ERBB4: variants seen among roughly 807,000 people sequenced by gnomAD.
The protein encoded by ERBB4 is erb-b2 receptor tyrosine kinase 4.
A neutral mutation model predicts 158.0 loss-of-function variants in ERBB4; 42 were observed. That is an observed-to-expected ratio of 0.27 (90% CI 0.21 to 0.34). The LOEUF is 0.34. ERBB4 is among the 10% of genes least tolerant of loss of function. The pLI is 1.00. For synonymous variants in ERBB4, 583 were observed against 558.7 expected, an observed-to-expected ratio of 1.04 and a Z score of -0.61; for missense variants, 1,333 against 1,624.1, an observed-to-expected ratio of 0.82 and a Z score of 3.08.
At chr2:211,622,464 C>T (rs943366423) in intron 18 of ERBB4, among the ~76,000 whole-genome samples, 2 of 151,898 alleles carry the variant, frequency 1.3e-5, no homozygotes, top group Non-Finnish European at 2.9e-5. Flanking sequence ...CCTTAGAATA[C>T]AAGTTTTATT....
intron 2 of ERBB4, among the ~76,000 whole-genome samples, chr2:212,044,562 A>G (rs2077213695): frequency 6.6e-6 from 1 of 152,114 alleles, no homozygotes; most frequent in Non-Finnish European, 1.5e-5. Flanking sequence ...CTCCTCTTAT[A>G]TTACAATAAA....
intron 3 of ERBB4, among the ~76,000 whole-genome samples, chr2:211,887,990 A>G (rs549477059): frequency 6.6e-6 from 1 of 152,324 alleles, no homozygotes; most frequent in Admixed American, 6.5e-5. Context: ...TAACATTTTC[A>G]TAGACCATTA....
At chr2:211,582,211 G>C (rs1271485396) in intron 19 of ERBB4, among the ~76,000 whole-genome samples, 1 of 152,156 alleles carries the variant, frequency 6.6e-6, no homozygotes, top group African/African-American at 2.4e-5. Flanking sequence ...CATGTAAAAA[G>C]ACAGCTTTTT....
At chr2:212,333,230 A>G (rs1209476743) in intron 1 of ERBB4, among the ~76,000 whole-genome samples, 1 of 151,760 alleles carries the variant, frequency 6.6e-6, no homozygotes, top group Non-Finnish European at 1.5e-5. Context: ...AAGAACCCTC[A>G]CTCTAGTTGC....
intron 18 of ERBB4, among the ~76,000 whole-genome samples, chr2:211,619,574 G>A (rs1574867828): frequency 6.6e-6 from 1 of 152,076 alleles, no homozygotes; most frequent in Admixed American, 6.6e-5. Context: ...ATGGAAATAG[G>A]ATAGCAAAAG....
intron 2 of ERBB4, among the ~76,000 whole-genome samples, chr2:212,065,412 G>A (rs1340802626): frequency 6.6e-6 from 1 of 151,940 alleles, no homozygotes; most frequent in Non-Finnish European, 1.5e-5. Flanking sequence ...ATGAAGATGA[G>A]TTTATTTCCC....
chr2:211,980,529 T>C (rs2081760429), intron 2 of ERBB4, among the ~76,000 whole-genome samples: 1 of 152,140 alleles, frequency 6.6e-6, no homozygotes, highest in Non-Finnish European at 1.5e-5. Flanking sequence ...TGTTTGTTTG[T>C]TTTAAATAAT....
At chr2:212,442,541 C>T (rs951736683) in intron 1 of ERBB4, among the ~76,000 whole-genome samples, 2 of 152,174 alleles carry the variant, frequency 1.3e-5, no homozygotes, top group Admixed American at 6.5e-5. Flanking sequence ...CCCAAAAGAT[C>T]ACTGTGGTCC....
chr2:211,699,609 T>C (rs550827430), intron 12 of ERBB4, among the ~76,000 whole-genome samples: 1 of 152,244 alleles, frequency 6.6e-6, no homozygotes, highest in South Asian at 2.1e-4. Flanking sequence ...AAAAATGATA[T>C]GCTTGATACT....
intron 1 of ERBB4, among the ~76,000 whole-genome samples, chr2:212,222,797 G>A (rs1467707529): frequency 6.6e-6 from 1 of 151,398 alleles, no homozygotes; most frequent in Non-Finnish European, 1.5e-5. Context: ...GTTGTTACGT[G>A]TTTAATGTCT....
chr2:211,650,612 C>T (rs1218084060), intron 16 of ERBB4, among the ~76,000 whole-genome samples: 1 of 152,064 alleles, frequency 6.6e-6, no homozygotes, highest in Non-Finnish European at 1.5e-5. Flanking sequence ...CTCTACTATT[C>T]TTATTTTGTG....
At chr2:211,696,354 G>T (rs2073021997) in intron 12 of ERBB4, among the ~76,000 whole-genome samples, 2 of 152,102 alleles carry the variant, frequency 1.3e-5, no homozygotes, top group African/African-American at 2.4e-5. Flanking sequence ...CAGGTGATCT[G>T]CCCACCTCGG....
chr2:211,910,335 T>C (rs576811922), intron 3 of ERBB4, among the ~76,000 whole-genome samples: 2 of 151,042 alleles, frequency 1.3e-5, no homozygotes, highest in East Asian at 2.0e-4. Context: ...CATAATAATA[T>C]TGTCTAATTT....
chr2:212,408,337 C>A (rs578069280), intron 1 of ERBB4, among the ~76,000 whole-genome samples: 2 of 152,062 alleles, frequency 1.3e-5, no homozygotes, highest in African/African-American at 4.8e-5. Context: ...CGAGAACATG[C>A]GGTGTTTGGT....
chr2:211,725,393 T>C (rs1037098626), intron 5 of ERBB4, among the ~76,000 whole-genome samples, 199 bp from the exon 6 acceptor site: 2 of 152,216 alleles, frequency 1.3e-5, no homozygotes, highest in Admixed American at 1.3e-4. Flanking sequence ...TTTATATTCT[T>C]TCTTGTTTCA....
intron 3 of ERBB4, among the ~76,000 whole-genome samples, chr2:211,826,778 C>T (rs1174741180): frequency 6.6e-6 from 1 of 152,026 alleles, no homozygotes; most frequent in Non-Finnish European, 1.5e-5. Flanking sequence ...TCTAACACCA[C>T]ATACAAGACA....
At chr2:211,705,259 T>C (rs1401272393) in intron 10 of ERBB4, 59 bp downstream of exon 10, 9 of 1,222,788 alleles carry the variant, frequency 7.4e-6, no homozygotes, top group Admixed American at 6.7e-5. Flanking sequence ...GTCAATCTTG[T>C]GTAATTTTTA....
intron 3 of ERBB4, among the ~76,000 whole-genome samples, chr2:211,806,875 T>C (rs191040870): frequency 7.3e-4 from 111 of 152,258 alleles, no homozygotes; most frequent in African/African-American, 2.6e-3. Context: ...ATAATGCATA[T>C]TGATTTTCAA....
rs138596858 is a variant in ERBB4, at chr2:211,756,647, A to T, written c.557-5943T>A. Among the ~76,000 whole-genome samples, 546 of 152,322 alleles carry T rather than the reference A, an allele frequency of 3.6e-3. 5 individuals are homozygous for T. Among genetic ancestry groups the T allele is most frequent in the Middle Eastern group, 0.014 (4 of 294 alleles). ...CAAAAGTTAGTTTTGACACTTTAGT[A>T]GCTTGTGCAAGATGCTGATTTTATA... On this transcript the variant is annotated intron_variant, in intron 4 of 27. Coordinates refer to ENST00000342788, the MANE Select transcript of ERBB4 (RefSeq NM_005235.3).
Sources: gnomAD v4.1 joint callset for allele counts (sites outside exome capture counted in the v4.1 genomes callset) on GRCh38, gnomAD v4.1.1 for gene constraint, MANE v1.5 for transcripts, NCBI Gene and HGNC (gene_info 2026-07-23, HGNC 2026-07-21) for gene names.